Variants in KCNAB1 observed in about 807,000 individuals in gnomAD.
KCNAB1 encodes potassium voltage-gated channel subfamily A regulatory beta subunit 1, also known as voltage-gated potassium channel subunit beta-1.
A neutral mutation model predicts 64.6 loss-of-function variants in KCNAB1; 35 were observed. That is an observed-to-expected ratio of 0.54 (90% CI 0.41 to 0.72). The LOEUF is 0.72. KCNAB1 is among the 30% of genes least tolerant of loss of function. KCNAB1 has a pLI of 0.00. For synonymous variants in KCNAB1, 177 were observed against 183.8 expected (o/e 0.96, Z 0.30); for missense variants, 401 against 512.9 (o/e 0.78, Z 2.11).
chr3:156,532,361 T>C (rs895437965), intron 13 of KCNAB1, among the ~76,000 whole-genome samples: 1 of 152,172 alleles, frequency 6.6e-6, no homozygotes, highest in African/African-American at 2.4e-5. Context: ...GTCCTGAGCC[T>C]ATCCTACTCT....
intron 1 of KCNAB1, among the ~76,000 whole-genome samples, chr3:156,348,100 A>G (rs187235282): frequency 3.9e-5 from 6 of 152,292 alleles, no homozygotes; most frequent in Non-Finnish European, 7.4e-5. Context: ...TATGAAGGGA[A>G]AAAAACACCA....
At chr3:156,234,497 G>A (rs1386512511) in intron 1 of KCNAB1, among the ~76,000 whole-genome samples, 9 of 152,012 alleles carry the variant, frequency 5.9e-5, no homozygotes, top group South Asian at 4.2e-4. Flanking sequence ...CCATTTCTAC[G>A]TAGGATGAGA....
At position 156,171,781 on chromosome 3, in the gene KCNAB1, G is replaced by A. The variant is rs528612651; in HGVS notation, c.275+50895G>A. Among the ~76,000 whole-genome samples the A allele has an allele frequency of 8.5e-4, 129 of 152,190 alleles. 1 individual carries two copies. Among genetic ancestry groups the A allele is most frequent in the South Asian group, 6.8e-3 (33 of 4,820 alleles). On this transcript the variant is annotated intron_variant, in intron 1 of 13. Coordinates refer to ENST00000490337, the MANE Select transcript of KCNAB1 (RefSeq NM_172160.3). ...AAGTACATAACCAACTCTCTTCTCTGGACAGTCAGTTTCTGAAAATTTCTT... is the reference window on the plus strand; with the variant it reads ...AAGTACATAACCAACTCTCTTCTCTAGACAGTCAGTTTCTGAAAATTTCTT...
intron 1 of KCNAB1, among the ~76,000 whole-genome samples, chr3:156,184,383 G>A (rs1200259941): frequency 6.6e-6 from 1 of 152,166 alleles, no homozygotes; most frequent in Non-Finnish European, 1.5e-5. Flanking sequence ...GTCCAGCTCT[G>A]TTTTGGGCCA....
intron 1 of KCNAB1, among the ~76,000 whole-genome samples, chr3:156,298,625 C>A: frequency 6.6e-6 from 1 of 152,084 alleles, no homozygotes; most frequent in East Asian, 1.9e-4. Context: ...AATTTATGAA[C>A]AGTATGAGAT....
intron 1 of KCNAB1, among the ~76,000 whole-genome samples, chr3:156,394,543 A>G (rs1369856054): frequency 5.9e-5 from 9 of 152,104 alleles, no homozygotes; most frequent in Non-Finnish European, 1.5e-5. Context: ...CCATTTGTCA[A>G]CTCCCCATCA....
intron 1 of KCNAB1, among the ~76,000 whole-genome samples, chr3:156,416,046 CT>C: frequency 6.6e-6 from 1 of 152,284 alleles, no homozygotes; most frequent in East Asian, 1.9e-4. Context: ...CTTTTTCACC[CT>C]CATATTCAAT....
At chr3:156,274,265 A>G (rs1288730090) in intron 1 of KCNAB1, among the ~76,000 whole-genome samples, 6 of 152,296 alleles carry the variant, frequency 3.9e-5, no homozygotes, top group African/African-American at 7.2e-5. Context: ...CCAAGAAGAC[A>G]TTGAAAATCT....
intron 5 of KCNAB1, among the ~76,000 whole-genome samples, chr3:156,462,028 C>G (rs144485467): frequency 2.0e-4 from 31 of 152,346 alleles, no homozygotes; most frequent in Non-Finnish European, 4.0e-4. Context: ...TCAATTTACC[C>G]ACCTGTAAAA....
At chr3:156,231,502 C>T (rs939079193) in intron 1 of KCNAB1, among the ~76,000 whole-genome samples, 31 of 127,034 alleles carry the variant, frequency 2.4e-4, no homozygotes, top group Admixed American at 2.1e-3. Flanking sequence ...TCCCCTCCCT[C>T]CCTCCCTCCC....
chr3:156,154,063 G>T (rs533075533), intron 1 of KCNAB1, among the ~76,000 whole-genome samples: 54 of 152,296 alleles, frequency 3.5e-4, no homozygotes, highest in Non-Finnish European at 6.2e-4. Context: ...TTCTCCATGT[G>T]TTGCTGCCCA....
intron 1 of KCNAB1, among the ~76,000 whole-genome samples, chr3:156,317,538 T>C (rs1722362519): frequency 6.6e-6 from 1 of 152,114 alleles, no homozygotes; most frequent in Non-Finnish European, 1.5e-5. Flanking sequence ...ATAGCTTTGA[T>C]GTTTTGTCTT....
intron 6 of KCNAB1, among the ~76,000 whole-genome samples, chr3:156,465,112 C>G (rs1035790254): frequency 6.6e-6 from 1 of 152,050 alleles, no homozygotes; most frequent in African/African-American, 2.4e-5. Context: ...AGGCAAAAGT[C>G]CTTATGATTA....
intron 12 of KCNAB1, among the ~76,000 whole-genome samples, chr3:156,526,059 G>T (rs1297750768): frequency 6.6e-6 from 1 of 152,094 alleles, no homozygotes; most frequent in Non-Finnish European, 1.5e-5. Context: ...GCCCTACACA[G>T]GTATACCATT....
intron 1 of KCNAB1, among the ~76,000 whole-genome samples, chr3:156,203,634 T>C (rs902130722): frequency 6.6e-6 from 1 of 152,212 alleles, no homozygotes; most frequent in South Asian, 2.1e-4. Flanking sequence ...CAAGTTATTG[T>C]TATGTTTCTC....
rs1160298466 is a variant in KCNAB1, at chr3:156,283,147, G to T, written c.276-138469G>T. On this transcript the variant is annotated intron_variant, in intron 1 of 13. Transcript: ENST00000490337. ...TTTAGTGCTTCCTTCAGGAGCTCTT[G>T]TAAGGCAGGCCTGGTGGTGACAAAA... Among the ~76,000 whole-genome samples the T allele has an allele frequency of 1.4e-3, 217 of 151,862 alleles. 1 individual carries two copies. Among genetic ancestry groups the T allele is most frequent in the African/African-American group, 4.8e-3 (198 of 41,310 alleles).
chr3:156,452,972 G>A lies in KCNAB1; in HGVS notation c.357+36G>A. 6.7e-7 allele frequency: 1 copy of A among 1,488,156 alleles called. No individual in the cohort carries two copies. Among genetic ancestry groups the A allele is most frequent in the Non-Finnish European group, 9.3e-7 (1 of 1,074,010 alleles). The allele number at this position is 1,488,156 out of a possible 1,614,324, so 92.2% of individuals were successfully genotyped here. ...TTTGGCCTCTATTATGCTAATGAAAGAAAATGCAGAGAGAGCTGTATTGCA... is the reference window on the plus strand; with the variant it reads ...TTTGGCCTCTATTATGCTAATGAAAAAAAATGCAGAGAGAGCTGTATTGCA... On this transcript the variant is annotated intron_variant, in intron 3 of 13. Coordinates refer to ENST00000490337, the MANE Select transcript of KCNAB1 (RefSeq NM_172160.3). This position sits in a 1 kb window ranked among gnomAD's most constrained non-coding sequence, Gnocchi z 4.6.
intron 1 of KCNAB1, among the ~76,000 whole-genome samples, chr3:156,300,252 G>A (rs115840835): frequency 2.0e-3 from 300 of 152,222 alleles, no homozygotes; most frequent in African/African-American, 6.9e-3. Flanking sequence ...CAATTGACTC[G>A]GCTTCTTTAA....
intron 1 of KCNAB1, among the ~76,000 whole-genome samples, chr3:156,213,576 C>A (rs1715146567): frequency 6.6e-6 from 1 of 152,142 alleles, no homozygotes; most frequent in African/African-American, 2.4e-5. Context: ...CCACGACACA[C>A]CCACATTGCT....
Sources: allele counts gnomAD v4.1 joint callset (sites outside exome capture counted in the v4.1 genomes callset), GRCh38; gene constraint gnomAD v4.1.1; non-coding constraint Gnocchi (gnomAD v3.1); transcripts MANE v1.5; gene names NCBI Gene and HGNC (gene_info 2026-07-23, HGNC 2026-07-21).